Variants in OR2A42 observed in about 807,000 individuals in gnomAD.
OR2A42 encodes olfactory receptor 2A1/2A42.
For missense variants in OR2A42, 3 were observed against 104.1 expected (o/e 0.03, Z 4.23); for synonymous variants, 5 against 46.4 (o/e 0.11, Z 3.63).
At chr7:144,235,436 A>G (rs1264578742) in intron 2 of OR2A42, among the ~76,000 whole-genome samples, 5 of 151,580 alleles carry the variant, frequency 3.3e-5, no homozygotes, top group African/African-American at 9.7e-5. Flanking sequence ...CTTTAAGGAC[A>G]GTTGCCACAT....
rs1430166307 is a variant in OR2A42 at position 144,228,709 on chromosome 7, CTG to C, written c.*3200_*3201del. The C allele has an allele frequency of 7.6e-6, 1 of 131,840 alleles. No homozygotes were observed. The highest frequency in any genetic ancestry group is 1.6e-5 in the Non-Finnish European group (1 of 60,814). 8.2% of individuals were successfully genotyped at this position (131,840 alleles called of 1,614,324 possible). ...CGTATGTTTTTTGTGAGTACTCACT[CTG>C]TGCTAGGAATGTATAGGTGTAAAGA... On this transcript the variant is annotated 3_prime_UTR_variant, in exon 3 of 3. Transcript: ENST00000641810.
At chr7:144,237,894 A>G (rs1190145517) in intron 2 of OR2A42, among the ~76,000 whole-genome samples, 3 of 147,532 alleles carry the variant, frequency 2.0e-5, no homozygotes, top group Non-Finnish European at 3.0e-5. Flanking sequence ...TTGAGCACAT[A>G]TCTTAGCCTC....
Position 144,228,477 on chromosome 7 carries a change from C to T in OR2A42, c.*3434G>A, listed in dbSNP as rs2052328755. On this transcript the variant is annotated 3_prime_UTR_variant, in exon 3 of 3. Coordinates refer to ENST00000641810, the MANE Select transcript of OR2A42 (RefSeq NM_001001802.3). The stretch of plus-strand genomic sequence containing the variant: ...TGTTAGGATAGTATTAGTACCTACT[C>T]CACATATTTGATGTAAGAATTTTTC... The T allele has an allele frequency of 1.7e-5, 2 of 116,444 alleles. 1 individual carries two copies. Among genetic ancestry groups the T allele is most frequent in the Non-Finnish European group, 3.7e-5 (2 of 54,136 alleles). 7.2% of individuals were successfully genotyped at this position (116,444 alleles called of 1,614,324 possible).
intron 2 of OR2A42, among the ~76,000 whole-genome samples, chr7:144,234,812 G>T (rs1354514782): frequency 9.3e-6 from 1 of 107,348 alleles, no homozygotes; most frequent in Admixed American, 8.0e-5. Flanking sequence ...ATGGCCAAGG[G>T]TTATATTTTT....
At chr7:144,237,557 C>G (rs1467922451) in intron 2 of OR2A42, among the ~76,000 whole-genome samples, 15 of 144,600 alleles carry the variant, frequency 1.0e-4, no homozygotes, top group African/African-American at 3.9e-4. Flanking sequence ...AAAAAACAAA[C>G]AAACAAACAA....
At chr7:144,235,651 G>A (rs1385099630) in intron 2 of OR2A42, among the ~76,000 whole-genome samples, 1 of 152,208 alleles carries the variant, frequency 6.6e-6, no homozygotes, top group African/African-American at 2.4e-5. Context: ...ACTATAATCT[G>A]AATACTTGAA....
intron 2 of OR2A42, among the ~76,000 whole-genome samples, chr7:144,236,704 TCTTTC>T (rs1471565750): frequency 3.4e-5 from 3 of 88,858 alleles, no homozygotes; most frequent in East Asian, 2.9e-4. Flanking sequence ...TTTTTTTTTT[TCTTTC>T]TCTTTTTGAG....
At chr7:144,234,946 C>CTTTA (rs1162330032) in intron 2 of OR2A42, among the ~76,000 whole-genome samples, 3 of 142,612 alleles carry the variant, frequency 2.1e-5, no homozygotes, top group East Asian at 1.9e-4. Context: ...TTATAAACAT[C>CTTTA]TTTATTTATT....
rs1267026718 is a variant in OR2A42, at chr7:144,229,721, C to T, written c.*2190G>A. 2 of 150,530 alleles carry T rather than the reference C, an allele frequency of 1.3e-5. No individual in the cohort carries two copies. Among genetic ancestry groups the T allele is most frequent in the African/African-American group, 2.4e-5 (1 of 41,104 alleles). The allele number at this position is 150,530 out of a possible 1,614,324, so 9.3% of individuals were successfully genotyped here. A position where few individuals can be genotyped will look rare whatever the true frequency, so the allele number is the denominator to read the frequency against. ...CAACCGTTTAAAAACTGTTCGGCAGCAATGGAATTACAAATTGTATATCCA... is the reference window on the plus strand; with the variant it reads ...CAACCGTTTAAAAACTGTTCGGCAGTAATGGAATTACAAATTGTATATCCA... On this transcript the variant is annotated 3_prime_UTR_variant, in exon 3 of 3. Transcript: ENST00000641810.
chr7:144,229,760 T>A lies in OR2A42; in HGVS notation c.*2151A>T, dbSNP rs1334779370. 2.0e-5 allele frequency: 3 copies of A among 150,530 alleles called. No homozygotes were observed. The highest frequency in any genetic ancestry group is 2.1e-4 in the South Asian group (1 of 4,772). The allele number at this position is 150,530 out of a possible 1,614,324, so 9.3% of individuals were successfully genotyped here. ...ATTGTATATCCAGTTTGGGTAATTT[T>A]AAAAAATTTAATAAATTATTTCATT... On this transcript the variant is annotated 3_prime_UTR_variant, in exon 3 of 3. Coordinates refer to ENST00000641810, the MANE Select transcript of OR2A42 (RefSeq NM_001001802.3).
chr7:144,235,697 C>A (rs541268292), intron 2 of OR2A42, among the ~76,000 whole-genome samples: 1 of 152,252 alleles, frequency 6.6e-6, no homozygotes, highest in South Asian at 2.1e-4. Flanking sequence ...CCCATAGTTT[C>A]TTTCATTCTA....
intron 2 of OR2A42, among the ~76,000 whole-genome samples, chr7:144,235,939 TAACG>T (rs2052423223): frequency 8.0e-6 from 1 of 125,008 alleles, no homozygotes; most frequent in Non-Finnish European, 1.7e-5. Flanking sequence ...TAACGATGGC[TAACG>T]AACTTAAAAA....
In OR2A42 at chr7:144,228,348, A is replaced by C. The variant is rs1287748196; in HGVS notation, c.*3563T>G. ...AGAGAGTGGCTCAGAATTTATTTAC[A>C]GTCAGACTGCCTGGTCTTGATTCAT... On this transcript the variant is annotated 3_prime_UTR_variant, in exon 3 of 3. Transcript: ENST00000641810. 1 of 127,756 alleles carries C rather than the reference A, an allele frequency of 7.8e-6. No homozygotes were observed. Among genetic ancestry groups the C allele is most frequent in the Non-Finnish European group, 1.7e-5 (1 of 59,040 alleles). The allele number at this position is 127,756 out of a possible 1,614,324, so 7.9% of individuals were successfully genotyped here.
At position 144,228,458 on chromosome 7, in the gene OR2A42, G is replaced by T. The variant is rs2052328530; in HGVS notation, c.*3453C>A. The T allele has an allele frequency of 1.8e-5, 2 of 114,170 alleles. No individual in the cohort carries two copies. Among genetic ancestry groups the T allele is most frequent in the Admixed American group, 1.0e-4 (1 of 9,864 alleles). 7.1% of individuals were successfully genotyped at this position (114,170 alleles called of 1,614,324 possible). ...ATTTCCCCCCCCCCTTTAATGTTAG[G>T]ATAGTATTAGTACCTACTCCACATA... On this transcript the variant is annotated 3_prime_UTR_variant, in exon 3 of 3. Coordinates refer to ENST00000641810, the MANE Select transcript of OR2A42 (RefSeq NM_001001802.3).
rs1286261689 is a variant in OR2A42, at chr7:144,237,581, AC to A, written c.-5+850del. Among the ~76,000 whole-genome samples the A allele has an allele frequency of 3.1e-3, 373 of 121,174 alleles. 7 individuals carry two copies. Among genetic ancestry groups the A allele is most frequent in the Non-Finnish European group, 4.4e-3 (226 of 51,646 alleles). The allele number at this position is 121,174 out of a possible 152,430, so 79.5% of individuals were successfully genotyped here. A position where few individuals can be genotyped will look rare whatever the true frequency, so the allele number is the denominator to read the frequency against. ...ACAAACAAACAACAACAAAAAAAAA[AC>A]CAAAAAATGATATTTAGGCATTCAT... On this transcript the variant is annotated intron_variant, in intron 2 of 2. Coordinates refer to ENST00000641810, the MANE Select transcript of OR2A42 (RefSeq NM_001001802.3).
rs1673201012 is a variant in OR2A42, at chr7:144,238,490, G to A, written c.-63C>T. 1 of 150,044 alleles carries A rather than the reference G, an allele frequency of 6.7e-6. No individual in the cohort carries two copies. Among genetic ancestry groups the A allele is most frequent in the African/African-American group, 2.5e-5 (1 of 40,594 alleles). The allele number at this position is 150,044 out of a possible 1,614,324, so 9.3% of individuals were successfully genotyped here. ...ACCAGGAGCTACAACATGTCTAGGA[G>A]GAATTCATGGTAAAGTAAAAAGAGG... On this transcript the variant is annotated 5_prime_UTR_variant, in exon 2 of 3. Transcript: ENST00000641810.
rs553625315 is a variant in OR2A42 at position 144,238,626 on chromosome 7, T to C, written c.-199A>G. ...CAGAATCTTTGCTTCTGTTTCTGAT[T>C]GAAAATGTATCAGAATCCTCAGAAA... is the stretch of plus-strand genomic sequence containing the variant. On this transcript the variant is annotated 5_prime_UTR_variant, in exon 2 of 3. Transcript: ENST00000641810. The C allele has an allele frequency of 1.3e-5, 2 of 150,610 alleles. No individual in the cohort carries two copies. Among genetic ancestry groups the C allele is most frequent in the South Asian group, 2.1e-4 (1 of 4,756 alleles). The allele number at this position is 150,610 out of a possible 1,614,324, so 9.3% of individuals were successfully genotyped here. A position where few individuals can be genotyped will look rare whatever the true frequency, so the allele number is the denominator to read the frequency against.
At position 144,229,653 on chromosome 7, in the gene OR2A42, T is replaced by C. The variant is rs2052345497; in HGVS notation, c.*2258A>G. 1.3e-5 allele frequency: 2 copies of C among 148,758 alleles called. No homozygotes were observed. Among genetic ancestry groups the C allele is most frequent in the African/African-American group, 4.9e-5 (2 of 40,480 alleles). The allele number at this position is 148,758 out of a possible 1,614,324, so 9.2% of individuals were successfully genotyped here. ...GCCACTTGAATGTATCCCTTCCCAGTGTTAGTTGCAATGCAGTATGCAGCA... is the reference window on the plus strand; with the variant it reads ...GCCACTTGAATGTATCCCTTCCCAGCGTTAGTTGCAATGCAGTATGCAGCA... On this transcript the variant is annotated 3_prime_UTR_variant, in exon 3 of 3. Transcript: ENST00000641810.
chr7:144,237,546 A>G (rs1350820880), intron 2 of OR2A42, among the ~76,000 whole-genome samples: 3 of 147,060 alleles, frequency 2.0e-5, no homozygotes, highest in Non-Finnish European at 4.5e-5. Context: ...CAAAGACGGT[A>G]AAAAAACAAA....
Sources: gnomAD v4.1 joint callset for allele counts (sites outside exome capture counted in the v4.1 genomes callset) on GRCh38, gnomAD v4.1.1 for gene constraint, MANE v1.5 for transcripts, NCBI Gene and HGNC (gene_info 2026-07-23, HGNC 2026-07-21) for gene names.